The following SLC14A2 variants were observed in gnomAD, a reference collection of about 807,000 sequenced individuals.
The protein encoded by SLC14A2 is solute carrier family 14 member 2.
In SLC14A2, 91 loss-of-function variants were observed where a neutral mutation model predicts 104.6. That is an observed-to-expected ratio of 0.87 (90% CI 0.73 to 1.04). SLC14A2 has a LOEUF of 1.04. SLC14A2 is among the 50% of genes least tolerant of loss of function. SLC14A2 has a pLI of 0.00. For missense variants in SLC14A2, 1,189 were observed against 1,156.0 expected (o/e 1.03, Z -0.41); for synonymous variants, 476 against 466.4 (o/e 1.02, Z -0.27).
chr18:45,430,867 TG>T (rs1213456822), intron 1 of SLC14A2, among the ~76,000 whole-genome samples: 1 of 152,164 alleles, frequency 6.6e-6, no homozygotes, highest in East Asian at 1.9e-4. Flanking sequence ...CTAGGAGATC[TG>T]TGGATCCATG....
intron 1 of SLC14A2, among the ~76,000 whole-genome samples, chr18:45,406,486 T>C (rs1210939768): frequency 6.6e-6 from 1 of 152,216 alleles, no homozygotes; most frequent in Non-Finnish European, 1.5e-5. Context: ...CTGTTAATGT[T>C]GTAATTTTGG....
intron 6 of SLC14A2, 134 bp downstream of exon 6, chr18:45,637,316 A>G (rs904438425): frequency 1.6e-5 from 11 of 668,680 alleles, no homozygotes; most frequent in Admixed American, 3.0e-5. Context: ...TCAGCAGGGT[A>G]TCAGAAAGGG....
At chr18:45,281,928 G>T (rs1026483629) in intron 1 of SLC14A2, among the ~76,000 whole-genome samples, 1 of 152,144 alleles carries the variant, frequency 6.6e-6, no homozygotes, top group Non-Finnish European at 1.5e-5. Flanking sequence ...CCTGGCACCT[G>T]GCTGCCTCCC....
At chr18:45,458,500 C>G (rs947593293) in intron 1 of SLC14A2, among the ~76,000 whole-genome samples, 1 of 152,170 alleles carries the variant, frequency 6.6e-6, no homozygotes, top group East Asian at 1.9e-4. Flanking sequence ...TCCCAAATCT[C>G]TCTACTCCCA....
chr18:45,590,473 G>A (rs1187101962), intron 2 of SLC14A2, among the ~76,000 whole-genome samples: 1 of 152,166 alleles, frequency 6.6e-6, no homozygotes, highest in Non-Finnish European at 1.5e-5. Context: ...ACAGGGTGAG[G>A]AGTCTCTGGA....
At position 45,511,338 on chromosome 18, in the gene SLC14A2, A is replaced by C. The variant is rs373106918; in HGVS notation, c.-35+28016A>C. Among the ~76,000 whole-genome samples, 273 of 152,246 alleles carry C rather than the reference A, an allele frequency of 1.8e-3. 1 individual carries two copies. The highest frequency in any genetic ancestry group is 6.4e-3 in the African/African-American group (268 of 41,552). On this transcript the variant is annotated intron_variant, in intron 2 of 20. Coordinates refer to the SLC14A2 transcript ENST00000586448. ...GGGCAGTGGATCTCTGAAATTCTAG[A>C]ATTTATATAGTAGCTTAAACATTAA...
At chr18:45,518,359 T>G (rs2043470997) in intron 2 of SLC14A2, among the ~76,000 whole-genome samples, 1 of 152,102 alleles carries the variant, frequency 6.6e-6, no homozygotes, top group Admixed American at 6.6e-5. Flanking sequence ...ATGTACCCAG[T>G]GTCAAACTCC....
At chr18:45,429,702 G>A (rs1375569847) in intron 1 of SLC14A2, among the ~76,000 whole-genome samples, 3 of 152,192 alleles carry the variant, frequency 2.0e-5, no homozygotes, top group African/African-American at 7.2e-5. Flanking sequence ...CAGAGGGAAA[G>A]AAAGACAGAA....
At chr18:45,424,254 C>T (rs951694781) in intron 1 of SLC14A2, 1 of 152,278 alleles carries the variant, frequency 6.6e-6, no homozygotes, top group African/African-American at 2.4e-5. Flanking sequence ...CCAGTTCTAA[C>T]TTTGCCATCA....
At chr18:45,194,643 ATTTTT>A in the SLC14A2 span, among the ~76,000 whole-genome samples, 1 of 108,848 alleles carries the variant, frequency 9.2e-6, no homozygotes, top group Non-Finnish European at 1.8e-5. Flanking sequence ...TTGGTCTGTA[ATTTTT>A]TTTTTTTTTT....
Position 45,664,984 on chromosome 18 carries a change from C to T in SLC14A2, c.1474+1077C>T, listed in dbSNP as rs184524054. Reference sequence around the variant, plus strand: ...TGCAGCACTGGCAGGCAGAGAGGAGCTTCAGACAGAAACAGCGGGTCAGTG... The same window carrying T: ...TGCAGCACTGGCAGGCAGAGAGGAGTTTCAGACAGAAACAGCGGGTCAGTG... On this transcript the variant is annotated intron_variant, in intron 11 of 19. Transcript: ENST00000255226. Among the ~76,000 whole-genome samples the T allele has an allele frequency of 2.6e-5, 4 of 152,274 alleles. No individual in the cohort carries two copies. In the East Asian group the frequency reaches 7.7e-4, roughly 29 times the overall value.
chr18:45,289,884 C>T (rs937290799), intron 1 of SLC14A2, among the ~76,000 whole-genome samples: 16 of 152,180 alleles, frequency 1.1e-4, no homozygotes, highest in African/African-American at 3.9e-4. Context: ...TCGAGAAGAT[C>T]ACTCAGTGGC....
At chr18:45,254,352 C>T (rs903429613) in intron 1 of SLC14A2, among the ~76,000 whole-genome samples, 2 of 152,206 alleles carry the variant, frequency 1.3e-5, no homozygotes, top group African/African-American at 2.4e-5. Context: ...GCCTTGAAGA[C>T]AAGTCCTGGA....
chr18:45,485,770 T>G (rs2087591817), intron 2 of SLC14A2, among the ~76,000 whole-genome samples: 1 of 152,162 alleles, frequency 6.6e-6, no homozygotes. Flanking sequence ...CAAAAAGAAC[T>G]GTTACAGTGG....
chr18:45,280,163 C>G (rs1320317909), intron 1 of SLC14A2, among the ~76,000 whole-genome samples: 4 of 152,208 alleles, frequency 2.6e-5, no homozygotes, highest in African/African-American at 9.6e-5. Context: ...GAGCACACAA[C>G]TAATGAGAGG....
chr18:45,255,070 C>G (rs898831591), intron 1 of SLC14A2, among the ~76,000 whole-genome samples: 1 of 152,174 alleles, frequency 6.6e-6, no homozygotes, highest in Non-Finnish European at 1.5e-5. Flanking sequence ...CTTGCCAATT[C>G]TCTCACCATA....
At position 45,683,385 on chromosome 18, in the gene SLC14A2, T is replaced by A. The variant is rs1599180727; in HGVS notation, c.*866T>A. On this transcript the variant is annotated 3_prime_UTR_variant, in exon 20 of 20. Coordinates refer to ENST00000255226, the MANE Select transcript of SLC14A2 (RefSeq NM_007163.4). ...TTATTCTCTCTCTCCTATAATCTGA[T>A]GAAATCAGCATGACAACAAGTAATT... 2 of 152,156 alleles carry A rather than the reference T, an allele frequency of 1.3e-5. No individual in the cohort carries two copies. Among genetic ancestry groups the A allele is most frequent in the East Asian group, 3.9e-4 (2 of 5,180 alleles). 9.4% of individuals were successfully genotyped at this position (152,156 alleles called of 1,614,324 possible).
chr18:45,393,908 G>A (rs1389579903), intron 1 of SLC14A2, among the ~76,000 whole-genome samples: 1 of 152,164 alleles, frequency 6.6e-6, no homozygotes, highest in East Asian at 1.9e-4. Flanking sequence ...TCACAGAAGA[G>A]GAAACAGACA....
intron 2 of SLC14A2, among the ~76,000 whole-genome samples, chr18:45,566,623 A>G (rs371092135): frequency 6.6e-6 from 1 of 152,180 alleles, no homozygotes; most frequent in East Asian, 1.9e-4. Flanking sequence ...CTCCACTGAT[A>G]ATTAAGGCTT....
Sources: allele counts gnomAD v4.1 joint callset (sites outside exome capture counted in the v4.1 genomes callset), GRCh38; gene constraint gnomAD v4.1.1; transcripts MANE v1.5; gene names NCBI Gene and HGNC (gene_info 2026-07-23, HGNC 2026-07-21).